The following PARN variants were observed in gnomAD, a reference collection of about 807,000 sequenced individuals.
PARN encodes the protein poly(A)-specific ribonuclease PARN.
Under a neutral mutation model 102.8 loss-of-function variants are expected in PARN, and 71 were observed. The ratio of observed to expected loss-of-function variants is 0.69; its 90% CI spans 0.57 to 0.84. The LOEUF is 0.84. Among genes scored for constraint, PARN ranks in the 40% least tolerant of loss-of-function variants. PARN has a pLI of 0.00. For missense variants in PARN, 782 were observed against 760.9 expected, an observed-to-expected ratio of 1.03 and a Z score of -0.33; for synonymous variants, 261 against 252.9, an observed-to-expected ratio of 1.03 and a Z score of -0.30.
At chr16:14,599,331 C>T (rs908455554) in intron 12 of PARN, among the ~76,000 whole-genome samples, 6 of 152,214 alleles carry the variant, frequency 3.9e-5, no homozygotes, top group African/African-American at 1.2e-4. Context: ...ACATGAGCCA[C>T]TATGCCCGGC....
intron 21 of PARN, among the ~76,000 whole-genome samples, chr16:14,494,173 G>A (rs1241485509): frequency 6.6e-6 from 1 of 152,170 alleles, no homozygotes; most frequent in Non-Finnish European, 1.5e-5. Context: ...ATACTCAGGG[G>A]TCCTGGAACC....
intron 21 of PARN, among the ~76,000 whole-genome samples, chr16:14,513,131 G>C (rs181635368): frequency 6.6e-6 from 1 of 151,978 alleles, no homozygotes; most frequent in African/African-American, 2.4e-5. Context: ...CACCATGTTG[G>C]CCAGGCTGGT....
chr16:14,436,845 G>A (rs765836744), intron 23 of PARN, 73 bp from the exon 24 acceptor site: 26 of 1,113,884 alleles, frequency 2.3e-5, no homozygotes, highest in Non-Finnish European at 3.2e-5. Flanking sequence ...GACATGACCA[G>A]CAGACAGACA....
In PARN at chr16:14,617,608, TA is replaced by T; in HGVS notation, c.369del (p.Phe123LeufsTer12). ...IDFLASQGFD[F>X]NKVFRNGIPY... Reference sequence around the variant, plus strand: ...ATCTTACCATTTCGAAAAACTTTATTAAAATCAAATCCCTGGCTTGCTAGAA... The same window carrying T: ...ATCTTACCATTTCGAAAAACTTTATTAAATCAAATCCCTGGCTTGCTAGAA... On this transcript the variant is annotated frameshift_variant, in exon 6 of 24. Coordinates refer to ENST00000437198, the MANE Select transcript of PARN (RefSeq NM_002582.4). LOFTEE classifies it high-confidence loss of function. The T allele has an allele frequency of 6.3e-7, 1 of 1,582,202 alleles. No homozygotes were observed. The highest frequency in any genetic ancestry group is 8.7e-7 in the Non-Finnish European group (1 of 1,151,020).
At chr16:14,523,984 G>A (rs1208325677) in intron 21 of PARN, among the ~76,000 whole-genome samples, 3 of 152,034 alleles carry the variant, frequency 2.0e-5, no homozygotes, top group Admixed American at 2.0e-4. Flanking sequence ...AATACGGTAG[G>A]CAACTGTAAC....
At position 14,629,592 on chromosome 16, in the gene PARN, G is replaced by T; in HGVS notation, c.97+5C>A. ...TGCTAGCCTGAGCTTGCAAGGGAGG[G>T]ATACCTGAAAACTCCCCATCGATGG... On this transcript the variant is annotated splice_donor_5th_base_variant and intron_variant, in intron 2 of 23. Transcript: ENST00000437198. 1 of 1,605,366 alleles carries T rather than the reference G, an allele frequency of 6.2e-7. No homozygotes were observed. The highest frequency in any genetic ancestry group is 8.5e-7 in the Non-Finnish European group (1 of 1,172,002).
rs868584844 is a variant in PARN, at chr16:14,503,334, G to A, written c.1481-20507C>T. 2.6e-5 allele frequency among the ~76,000 whole-genome samples: 4 copies of A among 152,190 alleles called. 1 individual carries two copies. Among genetic ancestry groups the A allele is most frequent in the South Asian group, 4.1e-4 (2 of 4,820 alleles). On this transcript the variant is annotated intron_variant, in intron 21 of 23. Coordinates refer to ENST00000437198, the MANE Select transcript of PARN (RefSeq NM_002582.4). ...AGAGAGCTGTAAGGAGTTCTCTGTG[G>A]TTAGAAGCAATTCTGAAAAGAGCTG...
chr16:14,506,959 T>C (rs939569564), intron 21 of PARN, among the ~76,000 whole-genome samples: 1 of 143,564 alleles, frequency 7.0e-6, no homozygotes, highest in Non-Finnish European at 1.6e-5. Context: ...CCAGTAAGAA[T>C]GGTTTTGAAA....
At chr16:14,448,369 G>A (rs945372167) in intron 22 of PARN, among the ~76,000 whole-genome samples, 2 of 152,102 alleles carry the variant, frequency 1.3e-5, no homozygotes, top group African/African-American at 4.8e-5. Context: ...GGCTGGTCTC[G>A]AACTCCTGAC....
chr16:14,512,106 A>C (rs1207711603), intron 21 of PARN, among the ~76,000 whole-genome samples: 1 of 152,230 alleles, frequency 6.6e-6, no homozygotes, highest in South Asian at 2.1e-4. Flanking sequence ...ATTGTGTACA[A>C]AAGTCAGTAT....
chr16:14,440,680 G>A (rs1274871967), intron 23 of PARN, among the ~76,000 whole-genome samples: 3 of 152,206 alleles, frequency 2.0e-5, no homozygotes, highest in African/African-American at 7.2e-5. Context: ...AAAACGGAGT[G>A]TACTGAGGAT....
chr16:14,615,003 G>T (rs1971803274), intron 6 of PARN, among the ~76,000 whole-genome samples: 1 of 151,972 alleles, frequency 6.6e-6, no homozygotes, highest in Non-Finnish European at 1.5e-5. Flanking sequence ...AAGGCTACAG[G>T]GGGAAACTAA....
Position 14,627,104 on chromosome 16 carries a change from A to G in PARN, c.327+2T>C, listed in dbSNP as rs1416627860. 1 of 1,554,500 alleles carries G rather than the reference A, an allele frequency of 6.4e-7. No individual in the cohort carries two copies. The highest frequency in any genetic ancestry group is 2.2e-5 in the East Asian group (1 of 44,580). On this transcript the variant is annotated splice_donor_variant, in intron 5 of 23. Coordinates refer to ENST00000437198, the MANE Select transcript of PARN (RefSeq NM_002582.4). LOFTEE classifies it high-confidence loss of function. ...AAGAAAAATCTCAATTATGCTACTT[A>G]CCTGACAAACAAATTTGACATCTGG...
intron 6 of PARN, among the ~76,000 whole-genome samples, chr16:14,614,846 CAAAAAAAAAAAAAAAAAAA>C (rs57502376): frequency 2.9e-4 from 11 of 37,654 alleles, no homozygotes; most frequent in South Asian, 1.7e-3. Flanking sequence ...GAAACTGTCT[CAAAAAAAAAAAAAAAAAAA>C]AAAAAAAAAA....
At chr16:14,571,244 A>G (rs1968790598) in intron 18 of PARN, among the ~76,000 whole-genome samples, 1 of 151,132 alleles carries the variant, frequency 6.6e-6, no homozygotes. Flanking sequence ...ATTAGCTAGG[A>G]GTGGTGGCGG....
At chr16:14,542,378 GT>G (rs1356382303) in intron 21 of PARN, among the ~76,000 whole-genome samples, 2 of 151,132 alleles carry the variant, frequency 1.3e-5, no homozygotes. Context: ...CTGGAGTGGA[GT>G]GGTACAGTTA....
intron 18 of PARN, among the ~76,000 whole-genome samples, chr16:14,577,153 T>C (rs1330952715): frequency 6.6e-6 from 1 of 152,220 alleles, no homozygotes; most frequent in African/African-American, 2.4e-5. Context: ...GTATGCATGT[T>C]TGGTAAAGGT....
chr16:14,520,109 T>C (rs914014836), intron 21 of PARN, among the ~76,000 whole-genome samples: 1 of 152,128 alleles, frequency 6.6e-6, no homozygotes, highest in African/African-American at 2.4e-5. Flanking sequence ...AAAGAATATA[T>C]AAAACAACAT....
intron 21 of PARN, among the ~76,000 whole-genome samples, chr16:14,551,081 G>C (rs1376428889): frequency 6.6e-6 from 1 of 151,296 alleles, no homozygotes; most frequent in African/African-American, 2.4e-5. Context: ...TCCTGCCTCA[G>C]CCATCACGCC....
Sources: allele counts gnomAD v4.1 joint callset (sites outside exome capture counted in the v4.1 genomes callset), GRCh38; gene constraint gnomAD v4.1.1; transcripts MANE v1.5; gene names NCBI Gene and HGNC (gene_info 2026-07-23, HGNC 2026-07-21).